The following GALNT7 variants were observed in gnomAD, a reference collection of about 807,000 sequenced individuals.
GALNT7 encodes N-acetylgalactosaminyltransferase 7.
Under a neutral mutation model 82.1 loss-of-function variants are expected in GALNT7, and 60 were observed. The observed-to-expected ratio is 0.73, with a 90% CI of 0.59 to 0.91. GALNT7 has a LOEUF of 0.91. Among genes scored for constraint, GALNT7 ranks in the 40% least tolerant of loss-of-function variants. The probability of loss-of-function intolerance (pLI) is 0.00; values close to 1 mark genes in which losing one functional copy is unlikely to be tolerated. For synonymous variants in GALNT7, 243 were observed against 275.1 expected (o/e 0.88, Z 1.15); for missense variants, 660 against 804.2 (o/e 0.82, Z 2.17).
Position 173,216,706 on chromosome 4 carries a change from C to CATAT in GALNT7, c.127-31255_127-31252dup, listed in dbSNP as rs202210734. 2.2e-3 allele frequency among the ~76,000 whole-genome samples: 126 copies of CATAT among 56,954 alleles called. 6 individuals carry two copies. Among genetic ancestry groups the CATAT allele is most frequent in the African/African-American group, 7.1e-3 (73 of 10,342 alleles). The allele number at this position is 56,954 out of a possible 152,430, so 37.4% of individuals were successfully genotyped here. A position where few individuals can be genotyped will look rare whatever the true frequency, so the allele number is the denominator to read the frequency against. ...GTAATTTGGTTTCTTGTGTACTATTCATATATATATATATATATATATTTT... is the reference window on the plus strand; with the variant it reads ...GTAATTTGGTTTCTTGTGTACTATTCATATATATATATATATATATATATATTTT... On this transcript the variant is annotated intron_variant, in intron 1 of 11. Transcript: ENST00000265000.
rs574184115 is a variant in GALNT7, at chr4:173,224,821, G to C, written c.127-23159G>C. Among the ~76,000 whole-genome samples, 790 of 151,638 alleles carry C rather than the reference G, an allele frequency of 5.2e-3. 9 individuals carry two copies. The highest frequency in any genetic ancestry group is 0.018 in the African/African-American group (760 of 41,380). On this transcript the variant is annotated intron_variant, in intron 1 of 11. Coordinates refer to ENST00000265000, the MANE Select transcript of GALNT7 (RefSeq NM_017423.3). ...AGGTCAGGAGATCCAGACCATCCTG[G>C]CTAACACGGTGAAACCCCGTCTCTA...
intron 7 of GALNT7, among the ~76,000 whole-genome samples, chr4:173,303,206 A>C (rs1737017755): frequency 6.6e-6 from 1 of 152,110 alleles, no homozygotes; most frequent in South Asian, 2.1e-4. Flanking sequence ...AAAAAAAAAA[A>C]AGAAAGAGCG....
Position 173,168,821 on chromosome 4 carries a change from C to G in GALNT7, c.-15C>G. The G allele has an allele frequency of 6.2e-7, 1 of 1,608,982 alleles. No homozygotes were observed. The highest frequency in any genetic ancestry group is 8.5e-7 in the Non-Finnish European group (1 of 1,177,690). ...CGGCTGCGCCGGGCTGTGAGTCTCT[C>G]GCCGCCGGAGGAAGATGAGGCTGAA... is the stretch of plus-strand genomic sequence containing the variant. On this transcript the variant is annotated 5_prime_UTR_variant, in exon 1 of 12. Coordinates refer to ENST00000265000, the MANE Select transcript of GALNT7 (RefSeq NM_017423.3).
intron 1 of GALNT7, among the ~76,000 whole-genome samples, chr4:173,242,991 G>A (rs992010642): frequency 2.6e-5 from 4 of 152,184 alleles, no homozygotes; most frequent in Non-Finnish European, 4.4e-5. Flanking sequence ...GGCTCATGAA[G>A]CATGATAACC....
intron 1 of GALNT7, among the ~76,000 whole-genome samples, chr4:173,199,640 C>A (rs1445953109): frequency 6.6e-6 from 1 of 152,082 alleles, no homozygotes; most frequent in African/African-American, 2.4e-5. Flanking sequence ...CTATTCTTAC[C>A]CAGCAAAGAG....
chr4:173,226,622 C>T (rs1278086423), intron 1 of GALNT7, among the ~76,000 whole-genome samples: 1 of 152,188 alleles, frequency 6.6e-6, no homozygotes, highest in Non-Finnish European at 1.5e-5. Flanking sequence ...TCACTCTCAG[C>T]TTGCTGGCTG....
intron 4 of GALNT7, 41 bp from the exon 5 acceptor site, chr4:173,295,723 G>A (rs760949322): frequency 4.5e-5 from 57 of 1,255,206 alleles, no homozygotes; most frequent in South Asian, 1.2e-4. Flanking sequence ...ATGATGTAAC[G>A]TATATGAGGA....
chr4:173,312,077 G>A (rs1737405898), intron 8 of GALNT7, among the ~76,000 whole-genome samples: 1 of 152,142 alleles, frequency 6.6e-6, no homozygotes, highest in Non-Finnish European at 1.5e-5. Context: ...CACTACAATA[G>A]CAGAGTCAAA....
chr4:173,251,683 C>A (rs1734852223), intron 2 of GALNT7, among the ~76,000 whole-genome samples: 5 of 152,198 alleles, frequency 3.3e-5, no homozygotes, highest in African/African-American at 1.2e-4. Context: ...CCATGCCTTG[C>A]ATAGCCAGTT....
At chr4:173,260,762 T>C (rs1735228779) in intron 2 of GALNT7, among the ~76,000 whole-genome samples, 1 of 152,142 alleles carries the variant, frequency 6.6e-6, no homozygotes, top group African/African-American at 2.4e-5. Flanking sequence ...CACAAAAATA[T>C]CACCAAACTT....
intron 1 of GALNT7, among the ~76,000 whole-genome samples, chr4:173,227,960 A>G (rs13150320): frequency 0.12 from 17,986 of 152,078 alleles, 1,370 homozygotes; most frequent in Non-Finnish European, 0.17. Context: ...TATTGTTTCT[A>G]TGAGCCTCTT....
At chr4:173,264,453 A>T (rs1735403973) in intron 2 of GALNT7, among the ~76,000 whole-genome samples, 1 of 152,206 alleles carries the variant, frequency 6.6e-6, no homozygotes, top group East Asian at 1.9e-4. Flanking sequence ...TTCTCTGAGC[A>T]CACAGTAGGG....
Position 173,292,710 on chromosome 4 carries a change from T to G in GALNT7, c.754+436T>G, listed in dbSNP as rs1736588128. On this transcript the variant is annotated intron_variant, in intron 3 of 11. Coordinates refer to ENST00000265000, the MANE Select transcript of GALNT7 (RefSeq NM_017423.3). This position sits in a 1 kb window ranked among gnomAD's most constrained non-coding sequence, Gnocchi z 4.8. ...TTTTGCAAGGACATGATTAGAATCT[T>G]GAAACTGTACACATATGTTAGCACG... Among the ~76,000 whole-genome samples the G allele has an allele frequency of 6.6e-6, 1 of 152,214 alleles. No individual in the cohort carries two copies. Among genetic ancestry groups the G allele is most frequent in the Admixed American group, 6.5e-5 (1 of 15,278 alleles).
intron 1 of GALNT7, among the ~76,000 whole-genome samples, chr4:173,213,531 T>G (rs1733349125): frequency 6.6e-6 from 1 of 152,150 alleles, no homozygotes; most frequent in East Asian, 1.9e-4. Context: ...AATTGAGCTG[T>G]GGTGTATAAT....
intron 1 of GALNT7, among the ~76,000 whole-genome samples, chr4:173,235,608 TGCAGTG>T (rs1734199052): frequency 6.7e-6 from 1 of 149,734 alleles, no homozygotes; most frequent in African/African-American, 2.5e-5. Flanking sequence ...CAGGCTGGAG[TGCAGTG>T]GCACAATCTC....
In GALNT7 at chr4:173,321,706, C is replaced by T. The variant is rs777988314; in HGVS notation, c.1963C>T (p.His655Tyr). Residue 655 changes from histidine (H) to tyrosine (Y), a missense_variant, in exon 12 of 12, where the codon CAT becomes TAT. Coordinates refer to ENST00000265000, the MANE Select transcript of GALNT7 (RefSeq NM_017423.3). Reference sequence around the variant, plus strand: ...TCAAAAATGGGAAATGAATAACATCCATAGTGTTTAGAGAGAAAAAAATAA... The same window carrying T: ...TCAAAAATGGGAAATGAATAACATCTATAGTGTTTAGAGAGAAAAAAATAA... ...TTQKWEMNNI[H>Y]SV The T allele has an allele frequency of 6.2e-7, 1 of 1,607,148 alleles. No individual in the cohort carries two copies. The highest frequency in any genetic ancestry group is 1.1e-5 in the South Asian group (1 of 90,924).
At chr4:173,239,087 C>A (rs1016536441) in intron 1 of GALNT7, among the ~76,000 whole-genome samples, 3 of 152,192 alleles carry the variant, frequency 2.0e-5, no homozygotes, top group African/African-American at 7.2e-5. Context: ...CTAAGACTAA[C>A]ATCAGCAGAT....
intron 2 of GALNT7, among the ~76,000 whole-genome samples, chr4:173,286,340 A>C (rs1736321159): frequency 6.6e-6 from 1 of 152,314 alleles, no homozygotes; most frequent in African/African-American, 2.4e-5. Flanking sequence ...CTTGATAGTT[A>C]AGGAGGCGAT....
chr4:173,295,365 A>G (rs766467229), intron 3 of GALNT7, 31 bp from the exon 4 acceptor site: 1 of 1,440,564 alleles, frequency 6.9e-7, no homozygotes, highest in Non-Finnish European at 9.8e-7. Context: ...TATTCGTCTA[A>G]TTTATAATAT....
Sources: gnomAD v4.1 joint callset for allele counts (sites outside exome capture counted in the v4.1 genomes callset) on GRCh38, gnomAD v4.1.1 for gene constraint, Gnocchi (gnomAD v3.1) non-coding constraint, MANE v1.5 for transcripts, NCBI Gene and HGNC (gene_info 2026-07-23, HGNC 2026-07-21) for gene names.